SEMA3A: variants seen among roughly 807,000 people sequenced by gnomAD.
SEMA3A encodes semaphorin-3A.
In SEMA3A, 29 loss-of-function variants were observed where a neutral mutation model predicts 97.9. The ratio of observed to expected loss-of-function variants is 0.30; its 90% CI spans 0.22 to 0.40. The LOEUF is 0.40. SEMA3A is among the 10% of genes least tolerant of loss of function. The pLI, the probability that SEMA3A is intolerant of heterozygous loss-of-function variation, is 1.00. For synonymous variants in SEMA3A, 321 were observed against 323.7 expected (o/e 0.99, Z 0.09); for missense variants, 763 against 951.3 (o/e 0.80, Z 2.60).
Position 83,956,162 on chromosome 7 carries a change from A to T in SEMA3A, c.*5209T>A, listed in dbSNP as rs1379428802. Reference sequence around the variant, plus strand: ...GCATTGCTTGGCCATGAATTACTCCATCTAAGGTATGCCTTGAACAAATGC... The same window carrying T: ...GCATTGCTTGGCCATGAATTACTCCTTCTAAGGTATGCCTTGAACAAATGC... On this transcript the variant is annotated 3_prime_UTR_variant, in exon 17 of 17. Coordinates refer to ENST00000265362, the MANE Select transcript of SEMA3A (RefSeq NM_006080.3). 2 of 152,182 alleles carry T rather than the reference A, an allele frequency of 1.3e-5. No homozygotes were observed. The highest frequency in any genetic ancestry group is 4.8e-5 in the African/African-American group (2 of 41,460). 9.4% of individuals were successfully genotyped at this position (152,182 alleles called of 1,614,324 possible).
chr7:84,230,817 C>A, intron 3 of SEMA3A, among the ~76,000 whole-genome samples: 1 of 151,618 alleles, frequency 6.6e-6, no homozygotes, highest in South Asian at 2.1e-4. Context: ...TTTTTAATGC[C>A]TTCTCTTTCT....
chr7:84,193,278 C>T (rs1200149352), intron 1 of SEMA3A, among the ~76,000 whole-genome samples: 1 of 151,994 alleles, frequency 6.6e-6, no homozygotes, highest in Non-Finnish European at 1.5e-5. Flanking sequence ...TTGAGATCCT[C>T]ATTCACACTA....
intron 3 of SEMA3A, among the ~76,000 whole-genome samples, chr7:84,226,228 A>G (rs1020835792): frequency 2.6e-5 from 4 of 152,112 alleles, no homozygotes; most frequent in African/African-American, 9.7e-5. Context: ...GACAGGGAAC[A>G]TAAATTCAGA....
chr7:84,108,542 A>C (rs1795181383), intron 4 of SEMA3A, among the ~76,000 whole-genome samples: 1 of 152,168 alleles, frequency 6.6e-6, no homozygotes, highest in Admixed American at 6.5e-5. Flanking sequence ...ACAGCTAGTA[A>C]GTTGTAGAGC....
chr7:83,992,872 T>A (rs1355170212), intron 12 of SEMA3A, among the ~76,000 whole-genome samples: 1 of 151,996 alleles, frequency 6.6e-6, no homozygotes, highest in African/African-American at 2.4e-5. Context: ...CTGGGTATCC[T>A]TGTTGACTTT....
At chr7:83,985,554 TGC>T (rs1439482288) in intron 12 of SEMA3A, 77 bp from the exon 13 acceptor site, 2 of 1,160,908 alleles carry the variant, frequency 1.7e-6, no homozygotes, top group African/African-American at 3.1e-5. Context: ...CTCAAGGCAC[TGC>T]CATTAGTTTT....
chr7:83,992,488 G>C (rs1789998985), intron 12 of SEMA3A, among the ~76,000 whole-genome samples: 1 of 151,498 alleles, frequency 6.6e-6, no homozygotes, highest in South Asian at 2.1e-4. Context: ...ACACTGCTTT[G>C]AATGCGTCCC....
At chr7:84,418,760 C>A (rs1315662288) in intron 1 of SEMA3A, among the ~76,000 whole-genome samples, 1 of 151,954 alleles carries the variant, frequency 6.6e-6, no homozygotes, top group African/African-American at 2.4e-5. Context: ...CTGTCAACTT[C>A]CCTGGTTTTC....
At chr7:84,000,865 A>G (rs1413399643) in intron 12 of SEMA3A, among the ~76,000 whole-genome samples, 1 of 152,132 alleles carries the variant, frequency 6.6e-6, no homozygotes, top group African/African-American at 2.4e-5. Flanking sequence ...AACATTGTAT[A>G]TAGGTATGAA....
chr7:84,240,806 C>G (rs951343812), intron 3 of SEMA3A, among the ~76,000 whole-genome samples: 2 of 152,162 alleles, frequency 1.3e-5, no homozygotes, highest in African/African-American at 4.8e-5. Flanking sequence ...CTCCCTGGGT[C>G]CATGTGTTCT....
At chr7:84,192,621 A>T (rs1357131393) in intron 1 of SEMA3A, among the ~76,000 whole-genome samples, 1 of 151,980 alleles carries the variant, frequency 6.6e-6, no homozygotes, top group Non-Finnish European at 1.5e-5. Context: ...TATTCAAATT[A>T]AATGTAATAT....
rs150790567 is a variant in SEMA3A, at chr7:84,397,717, G to T, written c.-245-25817C>A. On this transcript the variant is annotated intron_variant, in intron 1 of 3. Coordinates refer to the SEMA3A transcript ENST00000424555. ...TTTCTTCCCTTTTTACAGATACATA[G>T]GGACAGGTAACTTTGAACACTTAAT... Among the ~76,000 whole-genome samples the T allele has an allele frequency of 3.9e-5, 6 of 151,996 alleles. No homozygotes were observed. The South Asian group carries it at 1.2e-3, about 32-fold the overall frequency.
At chr7:84,318,778 C>A (rs912232877) in intron 2 of SEMA3A, among the ~76,000 whole-genome samples, 3 of 152,044 alleles carry the variant, frequency 2.0e-5, no homozygotes, top group African/African-American at 7.2e-5. Context: ...CCCATCATAC[C>A]CAGATTATAC....
intron 1 of SEMA3A, among the ~76,000 whole-genome samples, chr7:84,411,567 T>TTATATATATA (rs60469024): frequency 8.2e-4 from 123 of 149,232 alleles, no homozygotes; most frequent in African/African-American, 2.7e-3. Flanking sequence ...TTGGGTATAA[T>TTATATATATA]TATATATATA....
At chr7:84,435,689 C>T (rs868429768) in intron 1 of SEMA3A, among the ~76,000 whole-genome samples, 5 of 151,974 alleles carry the variant, frequency 3.3e-5, no homozygotes, top group Middle Eastern at 6.3e-3. Flanking sequence ...CAAACAAATG[C>T]GAAAACATTC....
intron 3 of SEMA3A, among the ~76,000 whole-genome samples, chr7:84,253,512 G>A (rs777149244): frequency 1.4e-4 from 22 of 151,980 alleles, no homozygotes; most frequent in Non-Finnish European, 2.2e-4. Flanking sequence ...ATATATTTAC[G>A]TATATATAGT....
At chr7:84,219,461 G>A (rs146841327) in intron 3 of SEMA3A, among the ~76,000 whole-genome samples, 6 of 152,262 alleles carry the variant, frequency 3.9e-5, no homozygotes, top group African/African-American at 1.4e-4. Flanking sequence ...GCCTCATCAT[G>A]TATAGTCATA....
intron 5 of SEMA3A, among the ~76,000 whole-genome samples, chr7:84,049,865 TC>T (rs1451837893): frequency 5.9e-5 from 4 of 67,846 alleles, no homozygotes; most frequent in Non-Finnish European, 8.1e-5. Context: ...CCCTCCCCCC[TC>T]CCCCCACCCC....
chr7:84,246,299 C>T lies in SEMA3A; in HGVS notation c.-82-51631G>A, dbSNP rs375068929. ...AGTTTGTAGTAATTTGTTACAGCTG[C>T]GCCAGAAAATTAAAACAAGGACTTT... On this transcript the variant is annotated intron_variant, in intron 3 of 3. Coordinates refer to the SEMA3A transcript ENST00000424555. 7.9e-4 allele frequency among the ~76,000 whole-genome samples: 120 copies of T among 152,140 alleles called. 2 individuals carry two copies. In the Middle Eastern group the frequency reaches 0.01, roughly 13 times the overall value.
Sources: allele counts gnomAD v4.1 joint callset (sites outside exome capture counted in the v4.1 genomes callset), GRCh38; gene constraint gnomAD v4.1.1; transcripts MANE v1.5; gene names NCBI Gene and HGNC (gene_info 2026-07-23, HGNC 2026-07-21).